Variants in NOL4 observed in about 807,000 individuals in gnomAD.
The protein encoded by NOL4 is cancer/testis antigen 125.
In NOL4, 17 loss-of-function variants were observed where a neutral mutation model predicts 75.9. The ratio of observed to expected loss-of-function variants is 0.22; its 90% confidence interval spans 0.15 to 0.34. The LOEUF is 0.34. Ranked by LOEUF, NOL4 falls within the 10% of genes least tolerant of loss-of-function variation. The pLI is 1.00. For missense variants in NOL4, 614 were observed against 793.5 expected (o/e 0.77, Z 2.72); for synonymous variants, 292 against 289.9 (o/e 1.01, Z -0.07).
At chr18:33,978,448 T>C (rs1159247132) in intron 6 of NOL4, among the ~76,000 whole-genome samples, 3 of 152,162 alleles carry the variant, frequency 2.0e-5, no homozygotes, top group Non-Finnish European at 4.4e-5. Flanking sequence ...GAAGGATTTA[T>C]CTTCTAAATT....
intron 5 of NOL4, among the ~76,000 whole-genome samples, chr18:34,041,214 G>GA (rs2076124294): frequency 6.6e-6 from 1 of 151,776 alleles, no homozygotes; most frequent in Non-Finnish European, 1.5e-5. Flanking sequence ...GAGCCACTAA[G>GA]AAAATCAAGT....
chr18:34,171,743 T>C (rs2033061566), intron 1 of NOL4, among the ~76,000 whole-genome samples: 1 of 152,150 alleles, frequency 6.6e-6, no homozygotes, highest in Non-Finnish European at 1.5e-5. Flanking sequence ...TATTTGAATG[T>C]AGTCACTCAG....
intron 5 of NOL4, among the ~76,000 whole-genome samples, chr18:34,059,875 A>G (rs1320345557): frequency 1.3e-5 from 2 of 152,152 alleles, no homozygotes; most frequent in Admixed American, 1.3e-4. Context: ...ACACCCGGAG[A>G]GAAACAGACC....
chr18:34,036,275 T>C (rs1046837759), intron 5 of NOL4, among the ~76,000 whole-genome samples: 6 of 152,030 alleles, frequency 3.9e-5, no homozygotes, highest in Non-Finnish European at 7.4e-5. Flanking sequence ...TAATAAACCA[T>C]GATCAGATGA....
intron 10 of NOL4, among the ~76,000 whole-genome samples, chr18:33,854,031 A>G (rs917788586): frequency 7.9e-5 from 12 of 152,164 alleles, no homozygotes; most frequent in African/African-American, 2.9e-4. Context: ...GCAGTATTAA[A>G]TTTAAATCCT....
intron 5 of NOL4, among the ~76,000 whole-genome samples, chr18:34,026,333 GAGTAT>G (rs2075338320): frequency 6.6e-6 from 1 of 152,132 alleles, no homozygotes; most frequent in Non-Finnish European, 1.5e-5. Context: ...CCAGCATGGG[GAGTAT>G]ATCCTCTATG....
intron 9 of NOL4, among the ~76,000 whole-genome samples, chr18:33,917,364 T>A (rs2066783820): frequency 6.6e-6 from 1 of 152,112 alleles, no homozygotes; most frequent in Admixed American, 6.6e-5. Context: ...CTGTCTGATC[T>A]CAGGAATCCA....
At chr18:34,218,425 G>C (rs943939471) in intron 1 of NOL4, among the ~76,000 whole-genome samples, 6 of 152,206 alleles carry the variant, frequency 3.9e-5, no homozygotes, top group Non-Finnish European at 5.9e-5. Flanking sequence ...AGAAATAAGT[G>C]TGGGATAGTC....
At chr18:34,205,658 C>G (rs1453800157) in intron 1 of NOL4, among the ~76,000 whole-genome samples, 1 of 152,118 alleles carries the variant, frequency 6.6e-6, no homozygotes, top group African/African-American at 2.4e-5. Flanking sequence ...AAGTGAATCA[C>G]ATTGACAACC....
In NOL4 at chr18:34,120,713, T is replaced by C. The variant is rs147206942; in HGVS notation, c.414+9158A>G. 1.9e-4 allele frequency among the ~76,000 whole-genome samples: 29 copies of C among 152,274 alleles called. No homozygotes were observed. The East Asian group carries it at 5.2e-3, about 27-fold the overall frequency. On this transcript the variant is annotated intron_variant, in intron 2 of 10. Coordinates refer to ENST00000261592, the MANE Select transcript of NOL4 (RefSeq NM_003787.5). ...GTGAATGTGCTACAGAGGTAGGAAGTCAGTATTCTCCAAAGATAGGGAAAT... is the reference window on the plus strand; with the variant it reads ...GTGAATGTGCTACAGAGGTAGGAAGCCAGTATTCTCCAAAGATAGGGAAAT...
intron 5 of NOL4, among the ~76,000 whole-genome samples, chr18:34,034,001 GA>G (rs1286918327): frequency 6.6e-6 from 1 of 152,038 alleles, no homozygotes; most frequent in Non-Finnish European, 1.5e-5. Context: ...GAAAGCAAAG[GA>G]AATTCATTAG....
intron 5 of NOL4, among the ~76,000 whole-genome samples, chr18:34,065,952 C>T (rs1210119208): frequency 1.3e-5 from 2 of 151,808 alleles, no homozygotes; most frequent in African/African-American, 4.8e-5. Context: ...CAATAAATGG[C>T]ATATAGTTAT....
At chr18:33,860,616 A>G (rs1219165279) in intron 10 of NOL4, among the ~76,000 whole-genome samples, 2 of 151,940 alleles carry the variant, frequency 1.3e-5, no homozygotes, top group South Asian at 2.1e-4. Context: ...CTAATTGAAT[A>G]CCCTTTATTT....
chr18:34,189,747 A>C lies in NOL4; in HGVS notation c.264+33243T>G, dbSNP rs75301765. On this transcript the variant is annotated intron_variant, in intron 1 of 10. Coordinates refer to ENST00000261592, the MANE Select transcript of NOL4 (RefSeq NM_003787.5). Reference sequence around the variant, plus strand: ...AGCCATTTTAAACTGAGTTCAAAATATGTACTTTATTTTGAGTCCTCATTT... The same window carrying C: ...AGCCATTTTAAACTGAGTTCAAAATCTGTACTTTATTTTGAGTCCTCATTT... Among the ~76,000 whole-genome samples, 1,050 of 152,228 alleles carry C rather than the reference A, an allele frequency of 6.9e-3. 13 individuals are homozygous for C. Among genetic ancestry groups the C allele is most frequent in the African/African-American group, 0.023 (961 of 41,546 alleles).
intron 10 of NOL4, among the ~76,000 whole-genome samples, chr18:33,877,514 G>GC (rs2064000884): frequency 6.6e-6 from 1 of 150,634 alleles, no homozygotes; most frequent in Non-Finnish European, 1.5e-5. Flanking sequence ...ATGACCTTGA[G>GC]CAAGTCACAT....
intron 1 of NOL4, among the ~76,000 whole-genome samples, chr18:34,209,114 G>C (rs1043293743): frequency 2.0e-5 from 3 of 149,136 alleles, no homozygotes; most frequent in African/African-American, 5.0e-5. Context: ...TGGAGGCTGA[G>C]GCAGGAGAAC....
intron 10 of NOL4, among the ~76,000 whole-genome samples, chr18:33,874,730 T>G (rs866728687): frequency 6.6e-6 from 1 of 151,984 alleles, no homozygotes; most frequent in African/African-American, 2.4e-5. Flanking sequence ...AGTGAATGAA[T>G]AAAAATGCTC....
At chr18:34,147,877 C>T (rs1600724781) in intron 1 of NOL4, among the ~76,000 whole-genome samples, 1 of 152,118 alleles carries the variant, frequency 6.6e-6, no homozygotes. Flanking sequence ...CTATTAATTA[C>T]TGCCTCAATT....
chr18:33,979,330 G>A (rs2071757290), intron 6 of NOL4, among the ~76,000 whole-genome samples: 1 of 151,948 alleles, frequency 6.6e-6, no homozygotes, highest in African/African-American at 2.4e-5. Flanking sequence ...ATTCTTTACA[G>A]TTATTTTATT....
Sources: allele counts gnomAD v4.1 joint callset (sites outside exome capture counted in the v4.1 genomes callset), GRCh38; gene constraint gnomAD v4.1.1; transcripts MANE v1.5; gene names NCBI Gene and HGNC (gene_info 2026-07-23, HGNC 2026-07-21).